WDR7: variants seen among roughly 807,000 people sequenced by gnomAD.
The protein encoded by WDR7 is WD repeat-containing protein 7.
A neutral mutation model predicts 169.4 loss-of-function variants in WDR7; 46 were observed. The observed-to-expected ratio is 0.27, with a 90% CI of 0.21 to 0.35. WDR7 has a LOEUF of 0.35. Among genes scored for constraint, WDR7 ranks in the 10% least tolerant of loss-of-function variants. The pLI, the probability that WDR7 is intolerant of heterozygous loss-of-function variation, is 1.00. For missense variants in WDR7, 1,534 were observed against 1,859.3 expected (o/e 0.83, Z 3.22); for synonymous variants, 612 against 666.8 (o/e 0.92, Z 1.27).
chr18:56,745,190 T>G (rs2043683522), intron 14 of WDR7, among the ~76,000 whole-genome samples: 1 of 152,176 alleles, frequency 6.6e-6, no homozygotes, highest in Non-Finnish European at 1.5e-5. Context: ...ATCCCCAAAC[T>G]AAATGATGAA....
At chr18:57,013,754 A>G (rs1182801994) in intron 26 of WDR7, among the ~76,000 whole-genome samples, 1 of 152,224 alleles carries the variant, frequency 6.6e-6, no homozygotes, top group Non-Finnish European at 1.5e-5. Context: ...TGCCTCTTCA[A>G]GATGTTTCTG....
chr18:57,010,313 T>C, intron 26 of WDR7: 1 of 982,278 alleles, frequency 1.0e-6, no homozygotes, highest in South Asian at 4.7e-5. Flanking sequence ...GCAGTGTAAA[T>C]ATTTGATAAT....
At chr18:56,700,622 T>G (rs1437481021) in intron 12 of WDR7, among the ~76,000 whole-genome samples, 2 of 137,080 alleles carry the variant, frequency 1.5e-5, no homozygotes, top group Non-Finnish European at 3.0e-5. Flanking sequence ...CAGGCTGGAG[T>G]GCAGTGGCGC....
intron 26 of WDR7, 52 bp from the exon 27 acceptor site, chr18:57,020,693 G>C (rs992986744): frequency 1.3e-5 from 20 of 1,547,778 alleles, no homozygotes; most frequent in Non-Finnish European, 1.7e-5. Context: ...GTGTGTACTT[G>C]TAATTGTCCT....
At chr18:56,845,075 G>A (rs2045547303) in intron 20 of WDR7, among the ~76,000 whole-genome samples, 1 of 152,078 alleles carries the variant, frequency 6.6e-6, no homozygotes, top group Non-Finnish European at 1.5e-5. Context: ...GGGGTACTTG[G>A]AATATATCTC....
chr18:56,912,087 A>T (rs191464561), intron 21 of WDR7, among the ~76,000 whole-genome samples: 1 of 152,192 alleles, frequency 6.6e-6, no homozygotes, highest in Non-Finnish European at 1.5e-5. Context: ...TTAATGGTGT[A>T]TGGGTGACCA....
intron 25 of WDR7, among the ~76,000 whole-genome samples, chr18:56,942,135 G>A (rs7231541): frequency 0.061 from 9,358 of 152,166 alleles, 885 homozygotes; most frequent in African/African-American, 0.21. Flanking sequence ...CCCTCTCCCC[G>A]ACAAATAGAA....
chr18:56,778,041 T>C (rs1384250030), intron 17 of WDR7, among the ~76,000 whole-genome samples: 1 of 152,200 alleles, frequency 6.6e-6, no homozygotes, highest in Admixed American at 6.5e-5. Context: ...TGAAATACTT[T>C]AGGAAATTAC....
At position 56,756,877 on chromosome 18, in the gene WDR7, G is replaced by A. The variant is rs2043899830; in HGVS notation, c.2284G>A (p.Glu762Lys). 6.2e-7 allele frequency: 1 copy of A among 1,613,974 alleles called. No homozygotes were observed. The highest frequency in any genetic ancestry group is 1.3e-5 in the African/African-American group (1 of 74,916). ...ENIKEHLLDD[E>K]EEDEEIMRQR... ...CATCAAGGAACACCTCCTTGATGAT[G>A]AAGAGGAGGATGAGGAGATAATGAG... is the stretch of plus-strand genomic sequence containing the variant. The change falls in exon 15 of 28, where the codon GAA becomes AAA. Residue 762 changes from glutamate (E) to lysine (K), a missense_variant. Glu to Lys is a moderately conservative substitution (Grantham distance 56). Transcript: ENST00000254442.
rs1001186374 is a variant in WDR7, at chr18:56,901,768, T to C, written c.3526+21603T>C. 1.4e-4 allele frequency among the ~76,000 whole-genome samples: 22 copies of C among 152,174 alleles called. 1 individual carries two copies. Among genetic ancestry groups the C allele is most frequent in the Non-Finnish European group, 7.3e-5 (5 of 68,032 alleles). ...AATCTCTTATCCTCAGTCCCAGTGG[T>C]CATTACAATGTATTTTCTCCAAAAT... On this transcript the variant is annotated intron_variant, in intron 21 of 27. Coordinates refer to ENST00000254442, the MANE Select transcript of WDR7 (RefSeq NM_015285.3).
At chr18:56,937,801 A>G (rs980571662) in intron 23 of WDR7, among the ~76,000 whole-genome samples, 3 of 152,154 alleles carry the variant, frequency 2.0e-5, no homozygotes, top group Admixed American at 1.3e-4. Flanking sequence ...AAAACCCACA[A>G]ATAATATTTG....
At chr18:56,727,130 A>G (rs2026475716) in intron 13 of WDR7, among the ~76,000 whole-genome samples, 1 of 152,230 alleles carries the variant, frequency 6.6e-6, no homozygotes. Flanking sequence ...ACATTAGTCA[A>G]TTAAGGATTG....
intron 19 of WDR7, among the ~76,000 whole-genome samples, chr18:56,793,452 GT>G (rs2044527405): frequency 1.3e-5 from 2 of 152,212 alleles, no homozygotes; most frequent in African/African-American, 4.8e-5. Context: ...TCAAGGCATA[GT>G]AAGCACACTA....
At chr18:56,670,032 T>C (rs1236292706) in intron 1 of WDR7, among the ~76,000 whole-genome samples, 4 of 152,214 alleles carry the variant, frequency 2.6e-5, no homozygotes, top group African/African-American at 7.2e-5. Context: ...TCATCCGTTA[T>C]TCATTTTAAA....
chr18:56,696,067 T>G (rs2025696547), intron 11 of WDR7, among the ~76,000 whole-genome samples, 175 bp from the exon 12 acceptor site: 1 of 152,226 alleles, frequency 6.6e-6, no homozygotes, highest in Non-Finnish European at 1.5e-5. Context: ...AAGTGCTCAG[T>G]AGTCTCATGT....
intron 19 of WDR7, among the ~76,000 whole-genome samples, chr18:56,783,572 A>C (rs2044351043): frequency 6.6e-6 from 1 of 152,214 alleles, no homozygotes; most frequent in South Asian, 2.1e-4. Flanking sequence ...GGTGCTTTTA[A>C]GACATCTTTA....
At chr18:56,964,269 G>GA (rs2047376582) in intron 26 of WDR7, among the ~76,000 whole-genome samples, 1 of 148,886 alleles carries the variant, frequency 6.7e-6, no homozygotes, top group Non-Finnish European at 1.5e-5. Flanking sequence ...TAAAATACTT[G>GA]AGAAACACTT....
At chr18:56,997,177 G>A (rs1787484) in intron 26 of WDR7, among the ~76,000 whole-genome samples, 53,414 of 152,064 alleles carry the variant, frequency 0.35, 10,471 homozygotes, top group African/African-American at 0.52. Context: ...AGGAAAGGAA[G>A]CAATTACTTT....
intron 20 of WDR7, among the ~76,000 whole-genome samples, chr18:56,854,085 ACTG>A (rs2045681177): frequency 6.6e-6 from 1 of 152,196 alleles, no homozygotes. Context: ...TTCTCACACC[ACTG>A]CAGTCGGCAC....
Sources: gnomAD v4.1 joint callset for allele counts (sites outside exome capture counted in the v4.1 genomes callset) on GRCh38, gnomAD v4.1.1 for gene constraint, MANE v1.5 for transcripts, NCBI Gene and HGNC (gene_info 2026-07-23, HGNC 2026-07-21) for gene names.